The following PCDHGA2 variants were observed in gnomAD, a reference collection of about 807,000 sequenced individuals.
The protein encoded by PCDHGA2 is protocadherin gamma-A2.
In PCDHGA2, 40 loss-of-function variants were observed where a neutral mutation model predicts 59.2. That is an observed-to-expected ratio of 0.68 (90% confidence interval 0.52 to 0.88). PCDHGA2 has a LOEUF of 0.88. Among genes scored for constraint, PCDHGA2 ranks in the 40% least tolerant of loss-of-function variants. The pLI, the probability that PCDHGA2 is intolerant of heterozygous loss-of-function variation, is 0.00. For synonymous variants in PCDHGA2, 560 were observed against 526.0 expected, an observed-to-expected ratio of 1.06 and a Z score of -0.89; for missense variants, 1,226 against 1,204.0, an observed-to-expected ratio of 1.02 and a Z score of -0.27.
At chr5:141,383,704 C>A in intron 1 of PCDHGA2, 1 of 1,613,980 alleles carries the variant, frequency 6.2e-7, no homozygotes, top group South Asian at 1.1e-5. Flanking sequence ...TGCTATCGAC[C>A]TGGACGAGGG....
chr5:141,364,815 TG>T (rs777714340), intron 1 of PCDHGA2: 64 of 1,613,880 alleles, frequency 4.0e-5, no homozygotes, highest in Non-Finnish European at 2.5e-6. Flanking sequence ...GATGCGGATG[TG>T]GGTGTGAACT....
chr5:141,423,078 C>A (rs752144906), intron 1 of PCDHGA2: 1 of 1,613,990 alleles, frequency 6.2e-7, no homozygotes, highest in Admixed American at 1.7e-5. Context: ...AGCCGGGACT[C>A]TTCGCGGTGG....
At position 141,477,879 on chromosome 5, in the gene PCDHGA2, A is replaced by T. The variant is rs932363258; in HGVS notation, c.2425-16928A>T. The T allele has an allele frequency of 3.4e-5, 55 of 1,614,060 alleles. No homozygotes were observed. The highest frequency in any genetic ancestry group is 4.6e-5 in the Non-Finnish European group (54 of 1,180,034). ...CTGCCTCGAGGTACCTCAGCTGGCCACCTAGTGTCACGGGTGGTAGGCTGG... is the reference window on the plus strand; with the variant it reads ...CTGCCTCGAGGTACCTCAGCTGGCCTCCTAGTGTCACGGGTGGTAGGCTGG... On this transcript the variant is annotated intron_variant, in intron 1 of 3. Coordinates refer to ENST00000394576, the MANE Select transcript of PCDHGA2 (RefSeq NM_018915.4). This position sits in a 1 kb window ranked among gnomAD's most constrained non-coding sequence, Gnocchi z 4.9.
chr5:141,361,470 C>T, intron 1 of PCDHGA2: 1 of 1,614,060 alleles, frequency 6.2e-7, no homozygotes, highest in Admixed American at 1.7e-5. Flanking sequence ...TCTCCGACGT[C>T]AACGATAATG....
At chr5:141,399,862 G>T in intron 1 of PCDHGA2, 1 of 1,612,900 alleles carries the variant, frequency 6.2e-7, no homozygotes, top group South Asian at 1.1e-5. Flanking sequence ...GCGCGCTGCA[G>T]AGCCCGGCTA....
Position 141,384,133 on chromosome 5 carries a change from C to G in PCDHGA2, c.2424+42738C>G, listed in dbSNP as rs770731491. The G allele has an allele frequency of 1.7e-5, 27 of 1,611,570 alleles. No homozygotes were observed. The highest frequency in any genetic ancestry group is 2.2e-5 in the Non-Finnish European group (26 of 1,178,832). ...ATTGGTCACAACCAAAAACTTGGACCGGGAAACACTCTCTTTGTATAACAT... is the reference window on the plus strand; with the variant it reads ...ATTGGTCACAACCAAAAACTTGGACGGGGAAACACTCTCTTTGTATAACAT... On this transcript the variant is annotated intron_variant, in intron 1 of 3. Coordinates refer to ENST00000394576, the MANE Select transcript of PCDHGA2 (RefSeq NM_018915.4).
At chr5:141,433,693 C>T (rs772152724) in intron 1 of PCDHGA2, among the ~76,000 whole-genome samples, 2 of 151,986 alleles carry the variant, frequency 1.3e-5, no homozygotes, top group Admixed American at 6.6e-5. Flanking sequence ...CAAAATTAGC[C>T]GGGCGTGGTG....
intron 2 of PCDHGA2, among the ~76,000 whole-genome samples, chr5:141,500,793 A>G (rs1245472175): frequency 6.6e-6 from 1 of 152,210 alleles, no homozygotes; most frequent in Non-Finnish European, 1.5e-5. Context: ...ATTTTACAGA[A>G]TAAGTCCTCA....
In PCDHGA2 at chr5:141,487,169, G is replaced by A. The variant is rs1259980100; in HGVS notation, c.2425-7638G>A. On this transcript the variant is annotated intron_variant, in intron 1 of 3. Coordinates refer to ENST00000394576, the MANE Select transcript of PCDHGA2 (RefSeq NM_018915.4). The surrounding 1 kb of genome is among the most constrained non-coding windows in gnomAD (Gnocchi z 5.0). ...CTCTGTTACTCTCTTAGTGTCCTTA[G>A]AGGAAGACACTCATCCAGTTGTCCC... 6.2e-7 allele frequency: 1 copy of A among 1,613,086 alleles called. No homozygotes were observed. Among genetic ancestry groups the A allele is most frequent in the South Asian group, 1.1e-5 (1 of 91,072 alleles).
At chr5:141,393,683 G>C (rs370409157) in intron 1 of PCDHGA2, 2 of 1,613,850 alleles carry the variant, frequency 1.2e-6, no homozygotes, top group East Asian at 4.5e-5. Flanking sequence ...AACAAACTCC[G>C]TTATTCCAGC....
intron 1 of PCDHGA2, chr5:141,415,949 C>T (rs369226000): frequency 6.5e-4 from 320 of 496,036 alleles, no homozygotes; most frequent in African/African-American, 5.9e-3. Context: ...TGGGTGGTCA[C>T]ATATTGAAAC....
At chr5:141,501,716 A>G (rs2099810687) in intron 2 of PCDHGA2, among the ~76,000 whole-genome samples, 1 of 152,160 alleles carries the variant, frequency 6.6e-6, no homozygotes, top group African/African-American at 2.4e-5. Flanking sequence ...TAAAAAAGAC[A>G]AATATATTAC....
At chr5:141,410,683 A>G (rs775289402) in intron 1 of PCDHGA2, 2 of 1,528,162 alleles carry the variant, frequency 1.3e-6, no homozygotes. Flanking sequence ...TATTTTAGGC[A>G]TACTACTTTA....
chr5:141,422,222 C>A (rs1453283842), intron 1 of PCDHGA2: 2 of 1,564,972 alleles, frequency 1.3e-6, no homozygotes, highest in South Asian at 1.2e-5. Flanking sequence ...TTTACCACCA[C>A]GACGATGTTG....
intron 1 of PCDHGA2, among the ~76,000 whole-genome samples, chr5:141,451,727 C>A (rs2098722766): frequency 6.6e-6 from 1 of 152,014 alleles, no homozygotes; most frequent in Admixed American, 6.6e-5. Flanking sequence ...ACTAAAAATA[C>A]AAAAATTAGC....
intron 1 of PCDHGA2, chr5:141,420,367 T>C: frequency 7.3e-7 from 1 of 1,360,684 alleles, no homozygotes; most frequent in Non-Finnish European, 9.7e-7. Flanking sequence ...CTAGATAACT[T>C]CTTCATAGAG....
intron 1 of PCDHGA2, among the ~76,000 whole-genome samples, chr5:141,373,562 T>C (rs955311782): frequency 2.6e-5 from 4 of 152,186 alleles, no homozygotes; most frequent in African/African-American, 9.7e-5. Context: ...TTACTGAAAA[T>C]GGGACTAGCA....
chr5:141,471,618 A>C (rs1421854064), intron 1 of PCDHGA2: 1 of 152,218 alleles, frequency 6.6e-6, no homozygotes, highest in Non-Finnish European at 1.5e-5. Context: ...TGGGAGTAGT[A>C]AGCATTGGTA....
chr5:141,489,283 G>A lies in PCDHGA2; in HGVS notation c.2425-5524G>A. The A allele has an allele frequency of 6.4e-7, 1 of 1,569,594 alleles. No homozygotes were observed. Among genetic ancestry groups the A allele is most frequent in the Admixed American group, 1.8e-5 (1 of 55,646 alleles). ...CCCACAGCTCGCTGGGAAATGGCAA[G>A]TGCTGTGCATGTTGTCCTTGTGCTG... On this transcript the variant is annotated intron_variant, in intron 1 of 3. Coordinates refer to ENST00000394576, the MANE Select transcript of PCDHGA2 (RefSeq NM_018915.4). This position sits in a 1 kb window ranked among gnomAD's most constrained non-coding sequence, Gnocchi z 4.5.
Sources: gnomAD v4.1 joint callset for allele counts (sites outside exome capture counted in the v4.1 genomes callset) on GRCh38, gnomAD v4.1.1 for gene constraint, Gnocchi (gnomAD v3.1) non-coding constraint, MANE v1.5 for transcripts, NCBI Gene and HGNC (gene_info 2026-07-23, HGNC 2026-07-21) for gene names.